PPP1R13B: variants seen among roughly 807,000 people sequenced by gnomAD.
PPP1R13B encodes apoptosis-stimulating of p53 protein 1.
A neutral mutation model predicts 119.8 loss-of-function variants in PPP1R13B; 44 were observed. The ratio of observed to expected loss-of-function variants is 0.37; its 90% CI spans 0.29 to 0.47. The LOEUF (loss-of-function observed/expected upper bound fraction) is 0.47, where lower values mean the gene tolerates loss of function less well. PPP1R13B is among the 20% of genes least tolerant of loss of function. PPP1R13B has a pLI of 0.99. For synonymous variants in PPP1R13B, 542 were observed against 561.5 expected (o/e 0.97, Z 0.49); for missense variants, 1,227 against 1,413.5 (o/e 0.87, Z 2.12).
At chr14:103,817,569 AT>A (rs59987775) in intron 1 of PPP1R13B, among the ~76,000 whole-genome samples, 248 of 151,966 alleles carry the variant, frequency 1.6e-3, no homozygotes, top group African/African-American at 5.6e-3. Flanking sequence ...ACAGAGCTAA[AT>A]TTTTTTTTAA....
At chr14:103,848,173 C>G (rs1484053052), upstream of PPP1R13B, 28 of 924,840 alleles carry the variant, frequency 3.0e-5, 1 homozygote, top group Non-Finnish European at 3.6e-5. Flanking sequence ...TTCCGCGGCT[C>G]TCGGGGCCGC....
intron 1 of PPP1R13B, among the ~76,000 whole-genome samples, chr14:103,824,682 G>A (rs1292377286): frequency 1.3e-5 from 2 of 149,932 alleles, no homozygotes; most frequent in Non-Finnish European, 3.0e-5. Flanking sequence ...GCGACAGAGC[G>A]AGACTCCGCC....
rs555802187 is a variant in PPP1R13B at position 103,847,115 on chromosome 14, C to G, written c.9+184G>C. On this transcript the variant is annotated intron_variant, in intron 1 of 16. Transcript: ENST00000202556. Reference sequence around the variant, plus strand: ...GGCGGCCCCGGCCCCGCGCTGACAGCCCGGCGCCGCCCCCACCTGCCCGCC... The same window carrying G: ...GGCGGCCCCGGCCCCGCGCTGACAGGCCGGCGCCGCCCCCACCTGCCCGCC... 785 of 984,278 alleles carry G rather than the reference C, an allele frequency of 8.0e-4. 3 individuals carry two copies. In the African/African-American group the frequency reaches 0.013, roughly 16 times the overall value. 61.0% of individuals were successfully genotyped at this position (984,278 alleles called of 1,614,324 possible).
At chr14:103,846,789 C>T (rs1189501157) in intron 1 of PPP1R13B, 1 of 457,462 alleles carries the variant, frequency 2.2e-6, no homozygotes, top group Admixed American at 2.3e-5. Context: ...ATTGCAGATA[C>T]GGGAAAAGGG....
intron 2 of PPP1R13B, among the ~76,000 whole-genome samples, chr14:103,792,169 CGTGT>C (rs58782839): frequency 1.3e-4 from 18 of 137,256 alleles, no homozygotes; most frequent in South Asian, 7.0e-4. Context: ...CTCTATTCAT[CGTGT>C]GTGTGTGTGT....
At chr14:103,848,610 A>T (rs1463970606), upstream of PPP1R13B, 4 of 598,598 alleles carry the variant, frequency 6.7e-6, no homozygotes, top group Non-Finnish European at 8.4e-6. Context: ...CAGAAGGCGT[A>T]AGCCGCCCTG....
At chr14:103,839,766 A>C (rs1283493014) in intron 1 of PPP1R13B, among the ~76,000 whole-genome samples, 1 of 152,098 alleles carries the variant, frequency 6.6e-6, no homozygotes, top group East Asian at 1.9e-4. Context: ...TGCTCCAGCC[A>C]CACAGGCCTA....
At chr14:103,847,578 G>T (rs912565226), upstream of PPP1R13B, 12 of 984,494 alleles carry the variant, frequency 1.2e-5, no homozygotes, top group African/African-American at 1.8e-4. Context: ...GACAGCCTGC[G>T]GCCCGCCCGC....
intron 3 of PPP1R13B, among the ~76,000 whole-genome samples, chr14:103,784,536 T>C (rs569934120): frequency 2.2e-5 from 3 of 137,660 alleles, no homozygotes; most frequent in South Asian, 2.3e-4. Flanking sequence ...TGAGCCAAGA[T>C]TGCACCACTG....
At chr14:103,775,457 TAG>T (rs1363027520) in intron 4 of PPP1R13B, among the ~76,000 whole-genome samples, 1 of 152,064 alleles carries the variant, frequency 6.6e-6, no homozygotes, top group Non-Finnish European at 1.5e-5. Flanking sequence ...GTATCTTTAG[TAG>T]AGAGAGGGTT....
chr14:103,796,970 C>G (rs974329905), intron 2 of PPP1R13B, among the ~76,000 whole-genome samples: 44 of 140,620 alleles, frequency 3.1e-4, no homozygotes, highest in Middle Eastern at 3.6e-3. Context: ...AAACAAAAAA[C>G]AAAAACAAAA....
chr14:103,798,638 T>C (rs2085818855), intron 1 of PPP1R13B, among the ~76,000 whole-genome samples: 1 of 152,002 alleles, frequency 6.6e-6, no homozygotes, highest in African/African-American at 2.4e-5. Flanking sequence ...AAAAGAAAAA[T>C]AAATGACCCT....
chr14:103,824,183 CTACAG>C (rs1009394064), intron 1 of PPP1R13B, among the ~76,000 whole-genome samples: 13 of 150,138 alleles, frequency 8.7e-5, no homozygotes, highest in African/African-American at 2.9e-4. Context: ...GTAGCTGGGA[CTACAG>C]GTGCGTGCAA....
intron 5 of PPP1R13B, among the ~76,000 whole-genome samples, chr14:103,756,476 C>T (rs918229822): frequency 3.9e-5 from 6 of 152,188 alleles, no homozygotes; most frequent in African/African-American, 1.4e-4. Flanking sequence ...TTAAATATGA[C>T]TAAACCATTA....
At chr14:103,752,675 C>T (rs1184635518) in intron 7 of PPP1R13B, among the ~76,000 whole-genome samples, 2 of 151,752 alleles carry the variant, frequency 1.3e-5, no homozygotes, top group African/African-American at 4.8e-5. Flanking sequence ...GCTGAGACTA[C>T]GGGCATGCGC....
chr14:103,843,681 G>A (rs759703008), intron 1 of PPP1R13B, among the ~76,000 whole-genome samples: 17 of 152,198 alleles, frequency 1.1e-4, no homozygotes, highest in Non-Finnish European at 2.4e-4. Context: ...ACGGCAGAGC[G>A]CAGTGGCATA....
At chr14:103,812,128 T>TG (rs1491585613) in intron 1 of PPP1R13B, among the ~76,000 whole-genome samples, 1 of 99,482 alleles carries the variant, frequency 1.0e-5, no homozygotes, top group Non-Finnish European at 1.9e-5. Context: ...CTGTGTGTGG[T>TG]TTTTTTTTTT....
At chr14:103,754,879 A>G (rs1350166166) in intron 5 of PPP1R13B, among the ~76,000 whole-genome samples, 1 of 151,682 alleles carries the variant, frequency 6.6e-6, no homozygotes, top group Non-Finnish European at 1.5e-5. Flanking sequence ...TCCCGGGTTC[A>G]CACCATTCTC....
chr14:103,764,435 T>G (rs1486997280), intron 4 of PPP1R13B: 1 of 349,288 alleles, frequency 2.9e-6, no homozygotes, highest in Non-Finnish European at 5.7e-6. Context: ...GTTGGTTGTC[T>G]TCTTCTTGTT....
Sources: gnomAD v4.1 joint callset for allele counts (sites outside exome capture counted in the v4.1 genomes callset) on GRCh38, gnomAD v4.1.1 for gene constraint, MANE v1.5 for transcripts, NCBI Gene and HGNC (gene_info 2026-07-23, HGNC 2026-07-21) for gene names.